The following DACH1 variants were observed in gnomAD, a reference collection of about 807,000 sequenced individuals.
The protein encoded by DACH1 is dachshund homolog 1.
Under a neutral mutation model 54.2 loss-of-function variants are expected in DACH1, and 12 were observed. The observed-to-expected ratio is 0.22, with a 90% CI of 0.14 to 0.36. The LOEUF (loss-of-function observed/expected upper bound fraction) is 0.36. Among genes scored for constraint, DACH1 ranks in the 10% least tolerant of loss-of-function variants. The probability of loss-of-function intolerance (pLI) is 1.00; values close to 1 mark genes in which losing one functional copy is unlikely to be tolerated. For missense variants in DACH1, 805 were observed against 929.8 expected (o/e 0.87, Z 1.75); for synonymous variants, 386 against 366.2 (o/e 1.05, Z -0.62).
chr13:71,813,399 C>T (rs1887793714), intron 1 of DACH1, among the ~76,000 whole-genome samples: 1 of 152,146 alleles, frequency 6.6e-6, no homozygotes, highest in Non-Finnish European at 1.5e-5. Flanking sequence ...GTGATCAATG[C>T]AGGTGAGTCA....
chr13:71,695,035 A>G (rs1480716576), intron 1 of DACH1, among the ~76,000 whole-genome samples: 1 of 152,238 alleles, frequency 6.6e-6, no homozygotes, highest in Non-Finnish European at 1.5e-5. Flanking sequence ...TTGAAAAAAA[A>G]TAGTTTCTTG....
intron 1 of DACH1, among the ~76,000 whole-genome samples, chr13:71,837,349 A>G (rs909442462): frequency 3.3e-5 from 5 of 152,240 alleles, no homozygotes; most frequent in African/African-American, 1.2e-4. Context: ...TCTTATATTT[A>G]TACATATTCT....
chr13:71,492,576 GATA>G lies in DACH1; in HGVS notation c.1571-3431_1571-3429del, dbSNP rs547717380. Among the ~76,000 whole-genome samples the G allele has an allele frequency of 4.7e-3, 722 of 152,178 alleles. 4 individuals carry two copies. The highest frequency in any genetic ancestry group is 7.5e-3 in the Non-Finnish European group (511 of 68,002). ...GGACTTCTAGTCTCCAGAACTGTGAGATAATAAACTTCTGTTGTTTTAAGGCAC... is the reference window on the plus strand; with the variant it reads ...GGACTTCTAGTCTCCAGAACTGTGAGATAAACTTCTGTTGTTTTAAGGCAC... On this transcript the variant is annotated intron_variant, in intron 6 of 10. Coordinates refer to ENST00000613252, the MANE Select transcript of DACH1 (RefSeq NM_080759.6).
At chr13:71,597,299 C>G (rs1374573634) in intron 3 of DACH1, among the ~76,000 whole-genome samples, 1 of 152,118 alleles carries the variant, frequency 6.6e-6, no homozygotes, top group Non-Finnish European at 1.5e-5. Flanking sequence ...CGTAAGCTGG[C>G]TTAACTTGGC....
chr13:71,452,394 C>G (rs900100918), intron 10 of DACH1, among the ~76,000 whole-genome samples: 7 of 152,218 alleles, frequency 4.6e-5, no homozygotes, highest in African/African-American at 1.7e-4. Flanking sequence ...TCCCAAACTG[C>G]TGGGATTAAA....
chr13:71,631,614 T>C (rs868301898), intron 2 of DACH1, among the ~76,000 whole-genome samples: 39 of 152,206 alleles, frequency 2.6e-4, no homozygotes, highest in African/African-American at 9.4e-4. Flanking sequence ...AGCTTAATCA[T>C]CTTAATAACC....
chr13:71,444,634 G>T (rs1874286391), intron 10 of DACH1, among the ~76,000 whole-genome samples: 1 of 152,128 alleles, frequency 6.6e-6, no homozygotes, highest in Non-Finnish European at 1.5e-5. Flanking sequence ...CTAATCATCT[G>T]TGATCTGCAG....
At chr13:71,631,159 T>C (rs1335048342) in intron 2 of DACH1, among the ~76,000 whole-genome samples, 1 of 152,174 alleles carries the variant, frequency 6.6e-6, no homozygotes, top group Non-Finnish European at 1.5e-5. Flanking sequence ...ACCCTGGCTA[T>C]ATCACAGATG....
At chr13:71,716,983 A>G (rs1434013430) in intron 1 of DACH1, among the ~76,000 whole-genome samples, 2 of 152,142 alleles carry the variant, frequency 1.3e-5, no homozygotes, top group Non-Finnish European at 2.9e-5. Flanking sequence ...TAAAGTATAC[A>G]TCATGCATGT....
chr13:71,662,348 C>A (rs1173508150), intron 2 of DACH1, among the ~76,000 whole-genome samples: 1 of 151,920 alleles, frequency 6.6e-6, no homozygotes, highest in Non-Finnish European at 1.5e-5. Context: ...ATATAACAAC[C>A]ATAAATGATC....
intron 8 of DACH1, among the ~76,000 whole-genome samples, chr13:71,477,866 T>TAA (rs796764193): frequency 1.1e-4 from 17 of 152,190 alleles, no homozygotes; most frequent in African/African-American, 3.9e-4. Context: ...TATTGATAGT[T>TAA]ATTGCCTTGA....
At chr13:71,530,177 T>A (rs994170636) in intron 6 of DACH1, among the ~76,000 whole-genome samples, 2 of 152,160 alleles carry the variant, frequency 1.3e-5, no homozygotes, top group African/African-American at 4.8e-5. Context: ...TGGACATATA[T>A]GACTTGGAAC....
At chr13:71,616,981 A>G (rs1397656207) in intron 3 of DACH1, among the ~76,000 whole-genome samples, 3 of 151,206 alleles carry the variant, frequency 2.0e-5, no homozygotes, top group African/African-American at 7.3e-5. Flanking sequence ...TCCCAGGTTC[A>G]AGTGATTCTC....
At chr13:71,452,879 A>T (rs1875197970) in intron 10 of DACH1, among the ~76,000 whole-genome samples, 1 of 152,128 alleles carries the variant, frequency 6.6e-6, no homozygotes. Context: ...GTTCTGTTTG[A>T]CTCTATTTGA....
intron 1 of DACH1, among the ~76,000 whole-genome samples, chr13:71,781,153 A>C (rs1209591218): frequency 2.0e-5 from 3 of 151,788 alleles, no homozygotes; most frequent in African/African-American, 4.8e-5. Context: ...TGAAACTTTC[A>C]CTGTGCCTTC....
intron 1 of DACH1, among the ~76,000 whole-genome samples, chr13:71,843,624 TG>T (rs949050451): frequency 6.6e-6 from 1 of 152,138 alleles, no homozygotes; most frequent in Admixed American, 6.5e-5. Context: ...TTTTGAAAAA[TG>T]ATAGTACTCT....
intron 3 of DACH1, among the ~76,000 whole-genome samples, chr13:71,590,749 T>C (rs1873641892): frequency 1.3e-5 from 2 of 152,110 alleles, no homozygotes; most frequent in Non-Finnish European, 2.9e-5. Flanking sequence ...CAACAGAGAT[T>C]TTGAAAATAA....
intron 3 of DACH1, among the ~76,000 whole-genome samples, chr13:71,598,040 T>A (rs1397558211): frequency 3.5e-5 from 5 of 143,908 alleles, no homozygotes; most frequent in African/African-American, 1.3e-4. Context: ...AGAGGGCTCC[T>A]CTCCACTCCA....
At chr13:71,487,475 T>A (rs939668248) in intron 7 of DACH1, among the ~76,000 whole-genome samples, 1 of 152,194 alleles carries the variant, frequency 6.6e-6, no homozygotes, top group African/African-American at 2.4e-5. Context: ...ATAACATTCC[T>A]AATCTGAGTA....
Sources: allele counts gnomAD v4.1 joint callset (sites outside exome capture counted in the v4.1 genomes callset), GRCh38; gene constraint gnomAD v4.1.1; transcripts MANE v1.5; gene names NCBI Gene and HGNC (gene_info 2026-07-23, HGNC 2026-07-21).